The following SYT1 variants were observed in gnomAD, a reference collection of about 807,000 sequenced individuals.
The protein encoded by SYT1 is synaptotagmin-1.
Under a neutral mutation model 44.8 loss-of-function variants are expected in SYT1, and 8 were observed. The observed-to-expected ratio is 0.18, with a 90% CI of 0.10 to 0.32. The LOEUF is 0.32. SYT1 is among the 10% of genes least tolerant of loss of function. SYT1 has a pLI of 1.00. For synonymous variants in SYT1, 154 were observed against 188.8 expected (o/e 0.82, Z 1.51); for missense variants, 286 against 509.3 (o/e 0.56, Z 4.22).
At chr12:79,311,179 G>A (rs146884897) in intron 8 of SYT1, among the ~76,000 whole-genome samples, 1,614 of 152,186 alleles carry the variant, frequency 0.011, 31 homozygotes, top group African/African-American at 0.037. Context: ...ATTATTTTGA[G>A]ATACGTCCCC....
chr12:79,104,181 A>G (rs183495004), intron 3 of SYT1, among the ~76,000 whole-genome samples: 48 of 150,090 alleles, frequency 3.2e-4, no homozygotes, highest in African/African-American at 1.1e-3. Context: ...AATTTGGTCT[A>G]CTCTATCAGA....
intron 3 of SYT1, among the ~76,000 whole-genome samples, chr12:79,124,308 G>A (rs540328706): frequency 7.2e-5 from 11 of 151,854 alleles, no homozygotes; most frequent in East Asian, 5.8e-4. Context: ...TATACCCTTC[G>A]CAACTTTCTT....
chr12:79,351,613 T>G (rs1366494446), intron 8 of SYT1, among the ~76,000 whole-genome samples: 1 of 152,052 alleles, frequency 6.6e-6, no homozygotes, highest in Non-Finnish European at 1.5e-5. Flanking sequence ...TCTTGTCCCA[T>G]AAAGTTCAGA....
At chr12:79,389,837 A>G (rs1884580490) in intron 9 of SYT1, among the ~76,000 whole-genome samples, 1 of 152,070 alleles carries the variant, frequency 6.6e-6, no homozygotes, top group South Asian at 2.1e-4. Flanking sequence ...GGTTAAATTC[A>G]TTGTCTTTAA....
intron 1 of SYT1, among the ~76,000 whole-genome samples, chr12:78,876,709 AATATATTATATAATATAATTATATATT>A (rs1298753450): frequency 1.7e-5 from 2 of 116,434 alleles, no homozygotes; most frequent in Non-Finnish European, 3.4e-5. Context: ...TATATTATAT[AATATATTATATAATATAATTATATATT>A]ATATATTATA....
intron 1 of SYT1, among the ~76,000 whole-genome samples, chr12:78,941,016 C>A (rs991933348): frequency 3.4e-5 from 5 of 148,534 alleles, no homozygotes; most frequent in African/African-American, 1.2e-4. Context: ...TCCTTTAGAG[C>A]ATTTCTTTTT....
intron 8 of SYT1, among the ~76,000 whole-genome samples, chr12:79,327,389 T>C (rs1881653898): frequency 6.6e-6 from 1 of 152,228 alleles, no homozygotes; most frequent in Non-Finnish European, 1.5e-5. Context: ...GCTATAGGAC[T>C]GTTAAGTCAC....
At chr12:79,314,185 A>C (rs1358520093) in intron 8 of SYT1, among the ~76,000 whole-genome samples, 1 of 151,734 alleles carries the variant, frequency 6.6e-6, no homozygotes, top group Non-Finnish European at 1.5e-5. Context: ...AAAAAAAAAA[A>C]AAAAAAAATT....
chr12:79,099,660 A>AG (rs80024105), intron 3 of SYT1, among the ~76,000 whole-genome samples: 5,170 of 148,884 alleles, frequency 0.035, 169 homozygotes, highest in South Asian at 0.11. Flanking sequence ...TAAAAGAATG[A>AG]GTTTTTTTTT....
At chr12:79,001,671 A>G (rs1425775719) in intron 2 of SYT1, among the ~76,000 whole-genome samples, 1 of 152,158 alleles carries the variant, frequency 6.6e-6, no homozygotes, top group South Asian at 2.1e-4. Flanking sequence ...CATACTACCA[A>G]TTTATTTTCT....
At chr12:78,993,919 G>C (rs987777997) in intron 2 of SYT1, among the ~76,000 whole-genome samples, 5 of 152,160 alleles carry the variant, frequency 3.3e-5, no homozygotes, top group Admixed American at 2.0e-4. Flanking sequence ...TGCCAGGCAT[G>C]TGGTAAAGAA....
intron 1 of SYT1, among the ~76,000 whole-genome samples, chr12:78,878,324 C>G (rs1874281443): frequency 2.6e-5 from 4 of 151,726 alleles, no homozygotes; most frequent in Admixed American, 2.6e-4. Context: ...AAACAAATAA[C>G]ATAAAATCTG....
chr12:79,318,910 C>T (rs548084576), intron 8 of SYT1, among the ~76,000 whole-genome samples: 36 of 152,232 alleles, frequency 2.4e-4, no homozygotes, highest in African/African-American at 8.7e-4. Flanking sequence ...TATTTTATAA[C>T]GTATTTTTGG....
At chr12:79,396,216 C>G (rs1884865872) in intron 9 of SYT1, among the ~76,000 whole-genome samples, 1 of 152,160 alleles carries the variant, frequency 6.6e-6, no homozygotes, top group East Asian at 1.9e-4. Flanking sequence ...CAATTTTCAT[C>G]TGGGACCACC....
At chr12:78,983,716 CAAG>C (rs934696446) in intron 2 of SYT1, among the ~76,000 whole-genome samples, 6 of 151,926 alleles carry the variant, frequency 3.9e-5, no homozygotes, top group Non-Finnish European at 7.4e-5. Context: ...GATGATGGTT[CAAG>C]AAGAACTAAA....
At chr12:79,138,656 C>T (rs11833961) in intron 3 of SYT1, among the ~76,000 whole-genome samples, 17,266 of 152,108 alleles carry the variant, frequency 0.11, 1,432 homozygotes, top group African/African-American at 0.24. Flanking sequence ...TGTGTGTGTG[C>T]ATGTGTGTGT....
chr12:79,086,453 A>C (rs945081057), intron 3 of SYT1, among the ~76,000 whole-genome samples: 9 of 152,194 alleles, frequency 5.9e-5, no homozygotes, highest in Non-Finnish European at 1.3e-4. Context: ...CTGCAGATTA[A>C]AATGAATATT....
chr12:79,348,140 A>C (rs1171615878), intron 8 of SYT1, among the ~76,000 whole-genome samples: 1 of 152,182 alleles, frequency 6.6e-6, no homozygotes, highest in Non-Finnish European at 1.5e-5. Context: ...TCTAAGTAAA[A>C]AGGGAAGATC....
chr12:79,328,033 T>C (rs928713417), intron 8 of SYT1, among the ~76,000 whole-genome samples: 1 of 152,068 alleles, frequency 6.6e-6, no homozygotes, highest in Non-Finnish European at 1.5e-5. Context: ...GCAGGGAGGA[T>C]ATTAAAGCTG....
Sources: gnomAD v4.1 joint callset for allele counts (sites outside exome capture counted in the v4.1 genomes callset) on GRCh38, gnomAD v4.1.1 for gene constraint, MANE v1.5 for transcripts, NCBI Gene and HGNC (gene_info 2026-07-23, HGNC 2026-07-21) for gene names.